CACNB2: variants seen among roughly 807,000 people sequenced by gnomAD.
The protein encoded by CACNB2 is calcium voltage-gated channel auxiliary subunit beta 2, also known as voltage-dependent L-type calcium channel subunit beta-2.
In CACNB2, 42 loss-of-function variants were observed where a neutral mutation model predicts 73.3. The ratio of observed to expected loss-of-function variants is 0.57; its 90% confidence interval spans 0.45 to 0.74. The LOEUF (loss-of-function observed/expected upper bound fraction) is 0.74. Among genes scored for constraint, CACNB2 ranks in the 30% least tolerant of loss-of-function variants. CACNB2 has a pLI of 0.00. For missense variants in CACNB2, 940 were observed against 853.0 expected, an observed-to-expected ratio of 1.10 and a Z score of -1.27; for synonymous variants, 348 against 310.3, an observed-to-expected ratio of 1.12 and a Z score of -1.28.
intron 3 of CACNB2, among the ~76,000 whole-genome samples, chr10:18,457,672 C>T (rs1186138027): frequency 6.6e-6 from 1 of 152,074 alleles, no homozygotes; most frequent in East Asian, 1.9e-4. Context: ...GGGCGGATCA[C>T]CTGAGGTCAG....
intron 2 of CACNB2, among the ~76,000 whole-genome samples, chr10:18,248,112 T>C (rs1304222416): frequency 1.3e-5 from 2 of 152,078 alleles, no homozygotes; most frequent in Non-Finnish European, 2.9e-5. Flanking sequence ...CAGACCACAG[T>C]ACCTACCAAA....
chr10:18,269,877 C>G (rs1202845098), intron 2 of CACNB2, among the ~76,000 whole-genome samples: 1 of 152,198 alleles, frequency 6.6e-6, no homozygotes, highest in African/African-American at 2.4e-5. Flanking sequence ...TGTCCCTCTT[C>G]TTTACTTTCT....
chr10:18,162,030 T>C (rs192326232), intron 2 of CACNB2, among the ~76,000 whole-genome samples: 27 of 152,372 alleles, frequency 1.8e-4, no homozygotes, highest in Admixed American at 8.5e-4. Flanking sequence ...TACATATATG[T>C]GTGTCAGTAC....
At chr10:18,266,873 G>A (rs1382791352) in intron 2 of CACNB2, among the ~76,000 whole-genome samples, 1 of 152,202 alleles carries the variant, frequency 6.6e-6, no homozygotes, top group African/African-American at 2.4e-5. Context: ...CTGGGAGACA[G>A]ACGAGACTCT....
At chr10:18,528,694 G>A (rs1399313800) in intron 10 of CACNB2, among the ~76,000 whole-genome samples, 3 of 83,060 alleles carry the variant, frequency 3.6e-5, no homozygotes, top group Middle Eastern at 5.0e-3. Flanking sequence ...CCCTTCGTTG[G>A]CAAAACTTCA....
chr10:18,282,655 C>T (rs2038604031), intron 2 of CACNB2, among the ~76,000 whole-genome samples: 1 of 152,116 alleles, frequency 6.6e-6, no homozygotes, highest in African/African-American at 2.4e-5. Flanking sequence ...AAACAGAGAT[C>T]CCAAAAGGCT....
At chr10:18,504,135 G>A (rs1247371681) in intron 5 of CACNB2, among the ~76,000 whole-genome samples, 1 of 152,114 alleles carries the variant, frequency 6.6e-6, no homozygotes, top group Non-Finnish European at 1.5e-5. Flanking sequence ...CTCCCAAATG[G>A]GCTTGCCTAG....
intron 3 of CACNB2, among the ~76,000 whole-genome samples, chr10:18,440,528 A>T (rs925489679): frequency 6.6e-6 from 1 of 152,086 alleles, no homozygotes; most frequent in African/African-American, 2.4e-5. Context: ...ATTAACTGGC[A>T]TGGTGGTCCA....
At chr10:18,537,683 A>G (rs993340733) in intron 12 of CACNB2, among the ~76,000 whole-genome samples, 1 of 151,748 alleles carries the variant, frequency 6.6e-6, no homozygotes, top group African/African-American at 2.4e-5. Context: ...AAGCTGAGGC[A>G]GGAAAATCAC....
intron 2 of CACNB2, among the ~76,000 whole-genome samples, chr10:18,308,029 G>A (rs907380250): frequency 4.6e-4 from 43 of 92,770 alleles, no homozygotes; most frequent in African/African-American, 1.6e-3. Flanking sequence ...GTCTTGCTCC[G>A]TCACCCTGGG....
intron 3 of CACNB2, among the ~76,000 whole-genome samples, chr10:18,425,616 C>T (rs192236492): frequency 1.3e-3 from 198 of 152,096 alleles, no homozygotes; most frequent in African/African-American, 4.6e-3. Flanking sequence ...TGCAGTGAGC[C>T]GACATTGGAC....
intron 2 of CACNB2, among the ~76,000 whole-genome samples, chr10:18,343,172 T>C (rs1248923955): frequency 6.6e-6 from 1 of 152,194 alleles, no homozygotes; most frequent in African/African-American, 2.4e-5. Flanking sequence ...CCTGGTATCA[T>C]TGCATTGTAA....
intron 10 of CACNB2, chr10:18,533,273 G>A (rs1381952956): frequency 1.3e-5 from 2 of 151,966 alleles, no homozygotes; most frequent in East Asian, 3.9e-4. Flanking sequence ...AAATTTACAC[G>A]CCTGTTCAAG....
Position 18,150,880 on chromosome 10 carries a change from T to TTTTTTTTTTTTTTTTTTTTTTTTTGTA in CACNB2, c.121-3_121-2insTTTTTTTTTTTTTTTTTTTTTTTTGTA. The TTTTTTTTTTTTTTTTTTTTTTTTTGTA allele has an allele frequency of 1.5e-6, 2 of 1,300,364 alleles. No individual in the cohort carries two copies. The highest frequency in any genetic ancestry group is 1.1e-6 in the Non-Finnish European group (1 of 943,296). 80.6% of individuals were successfully genotyped at this position (1,300,364 alleles called of 1,614,324 possible). A position where few individuals can be genotyped will look rare whatever the true frequency, so the allele number is the denominator to read the frequency against. On this transcript the variant is annotated splice_polypyrimidine_tract_variant and splice_region_variant and intron_variant, in intron 1 of 13. Transcript: ENST00000324631. ...CTTTTTTTTTTTTTTTTTTTTTTTT[T>TTTTTTTTTTTTTTTTTTTTTTTTTGTA]AGTCATATGGAAAAGGAGCCAGAAG...
chr10:18,167,302 G>T (rs890717555), intron 2 of CACNB2, among the ~76,000 whole-genome samples: 1 of 152,120 alleles, frequency 6.6e-6, no homozygotes, highest in Non-Finnish European at 1.5e-5. Context: ...CCTCCAAAAG[G>T]GGGAAGGGTG....
intron 1 of CACNB2, among the ~76,000 whole-genome samples, chr10:18,148,856 G>A (rs1039678120): frequency 3.3e-5 from 5 of 152,054 alleles, no homozygotes; most frequent in African/African-American, 9.6e-5. Context: ...AGCCAAGCAC[G>A]GCAATGTGTG....
intron 3 of CACNB2, among the ~76,000 whole-genome samples, chr10:18,419,634 C>T (rs61841960): frequency 1.3e-5 from 2 of 151,966 alleles, no homozygotes; most frequent in Admixed American, 6.6e-5. Context: ...ACCCCAAGAG[C>T]GGGTTCTTGA....
chr10:18,354,757 C>T (rs866917668), intron 2 of CACNB2, among the ~76,000 whole-genome samples: 7 of 151,008 alleles, frequency 4.6e-5, no homozygotes, highest in South Asian at 2.1e-4. Flanking sequence ...GTAGCTTTTC[C>T]GGTTCTGAAA....
At chr10:18,151,113 T>C (rs2031518467) in intron 2 of CACNB2, 138 bp downstream of exon 2, 1 of 663,056 alleles carries the variant, frequency 1.5e-6, no homozygotes, top group South Asian at 1.8e-5. Flanking sequence ...CGGTGCTGTT[T>C]AATGTCATAA....
Sources: allele counts gnomAD v4.1 joint callset (sites outside exome capture counted in the v4.1 genomes callset), GRCh38; gene constraint gnomAD v4.1.1; transcripts MANE v1.5; gene names NCBI Gene and HGNC (gene_info 2026-07-23, HGNC 2026-07-21).